The following RARB variants were observed in gnomAD, a reference collection of about 807,000 sequenced individuals.
RARB encodes retinoic acid receptor beta, also known as HBV-activated protein.
RARB carries 17 observed loss-of-function variants against 51.9 expected under a neutral mutation model. The observed-to-expected ratio is 0.33, with a 90% CI of 0.22 to 0.49. The LOEUF (loss-of-function observed/expected upper bound fraction) is 0.49. RARB is among the 20% of genes least tolerant of loss of function. RARB has a pLI of 0.99. For synonymous variants in RARB, 215 were observed against 195.4 expected (o/e 1.10, Z -0.84); for missense variants, 369 against 550.8 (o/e 0.67, Z 3.30).
At chr3:25,577,008 G>A (rs1700964377) in intron 4 of RARB, among the ~76,000 whole-genome samples, 1 of 152,200 alleles carries the variant, frequency 6.6e-6, no homozygotes, top group South Asian at 2.1e-4. Flanking sequence ...AGCTCTTGTA[G>A]CCACCTGATG....
intron 2 of RARB, among the ~76,000 whole-genome samples, chr3:24,907,223 G>A (rs1027153460): frequency 6.6e-6 from 1 of 152,150 alleles, no homozygotes; most frequent in African/African-American, 2.4e-5. Context: ...TCAAACTTTA[G>A]CATCAGAATC....
At chr3:25,167,474 G>A (rs1700578568) in intron 4 of RARB, among the ~76,000 whole-genome samples, 1 of 152,158 alleles carries the variant, frequency 6.6e-6, no homozygotes, top group Non-Finnish European at 1.5e-5. Context: ...GTCTAAAGAA[G>A]AAGATGAAAA....
intron 2 of RARB, among the ~76,000 whole-genome samples, chr3:25,465,671 A>G (rs1425600980): frequency 1.3e-5 from 2 of 152,200 alleles, no homozygotes; most frequent in Non-Finnish European, 1.5e-5. Flanking sequence ...CAGCATTACC[A>G]TGGCAGTATA....
chr3:25,223,389 G>A (rs1337493237), intron 5 of RARB, among the ~76,000 whole-genome samples: 1 of 152,192 alleles, frequency 6.6e-6, no homozygotes, highest in African/African-American at 2.4e-5. Context: ...ATTAAGTGTA[G>A]AGGCTAGAAG....
intron 3 of RARB, among the ~76,000 whole-genome samples, chr3:25,117,421 TA>T (rs1478956474): frequency 6.6e-6 from 1 of 152,064 alleles, no homozygotes; most frequent in East Asian, 1.9e-4. Flanking sequence ...AGGAAGAAAG[TA>T]AAGCAATGTT....
intron 4 of RARB, among the ~76,000 whole-genome samples, chr3:25,172,658 C>A (rs1700667490): frequency 1.3e-5 from 2 of 152,150 alleles, no homozygotes; most frequent in Non-Finnish European, 2.9e-5. Flanking sequence ...CCTGGGATTA[C>A]TATAATGTAG....
intron 2 of RARB, among the ~76,000 whole-genome samples, chr3:24,999,179 T>C (rs62228472): frequency 0.21 from 31,642 of 152,140 alleles, 3,653 homozygotes; most frequent in East Asian, 0.4. Context: ...GAAGTACTTA[T>C]GTACTTGCTG....
chr3:25,066,943 C>T (rs753000795), intron 3 of RARB, among the ~76,000 whole-genome samples: 6 of 152,090 alleles, frequency 3.9e-5, no homozygotes, highest in Non-Finnish European at 8.8e-5. Flanking sequence ...TGGAGTGGTA[C>T]TGGGCATTTC....
intron 2 of RARB, among the ~76,000 whole-genome samples, chr3:25,465,748 G>A (rs1376166343): frequency 6.6e-6 from 1 of 152,134 alleles, no homozygotes; most frequent in South Asian, 2.1e-4. Context: ...CAGTTTTTGT[G>A]TAGGGGACAA....
At position 25,030,754 on chromosome 3, in the gene RARB, G is replaced by A. The variant is rs141708136; in HGVS notation, c.-379-29371G>A. 2.6e-5 allele frequency among the ~76,000 whole-genome samples: 4 copies of A among 152,284 alleles called. No individual in the cohort carries two copies. In the East Asian group the frequency reaches 7.7e-4, roughly 29 times the overall value. On this transcript the variant is annotated intron_variant, in intron 2 of 11. Coordinates refer to the RARB transcript ENST00000383772. ...AAGATCTGGCTTTTACTTGTGTCAT[G>A]TTCGGGTGCTCTCTTGCATTTACCA...
intron 3 of RARB, among the ~76,000 whole-genome samples, chr3:25,086,810 G>T (rs1160204309): frequency 6.6e-6 from 1 of 150,516 alleles, no homozygotes; most frequent in African/African-American, 2.5e-5. Flanking sequence ...GGAGTATCTG[G>T]GTTAAGATAA....
chr3:24,963,489 C>T (rs1040002554), intron 2 of RARB, among the ~76,000 whole-genome samples: 6 of 148,942 alleles, frequency 4.0e-5, no homozygotes, highest in African/African-American at 1.5e-4. Flanking sequence ...TCTCGCCTCC[C>T]CTGAAAAAGA....
chr3:24,981,676 C>G (rs537446022), intron 2 of RARB, among the ~76,000 whole-genome samples: 20 of 152,228 alleles, frequency 1.3e-4, no homozygotes, highest in Non-Finnish European at 2.2e-4. Flanking sequence ...ATGGCTCTAC[C>G]AGGCACAGTC....
At chr3:25,317,480 T>G (rs1053359745) in intron 5 of RARB, among the ~76,000 whole-genome samples, 1 of 152,186 alleles carries the variant, frequency 6.6e-6, no homozygotes, top group African/African-American at 2.4e-5. Flanking sequence ...AGCATTATAA[T>G]AAAGCTAGTC....
At chr3:25,413,025 A>T (rs533856726) in intron 5 of RARB, among the ~76,000 whole-genome samples, 1 of 142,542 alleles carries the variant, frequency 7.0e-6, no homozygotes, top group Non-Finnish European at 1.5e-5. Flanking sequence ...ATCTTGGGGG[A>T]AAAAAAAAAA....
intron 2 of RARB, among the ~76,000 whole-genome samples, chr3:25,488,189 G>A (rs1054920987): frequency 2.6e-5 from 4 of 152,140 alleles, no homozygotes; most frequent in Non-Finnish European, 5.9e-5. Flanking sequence ...CATGATTTAC[G>A]GGGGCCCGGC....
intron 4 of RARB, among the ~76,000 whole-genome samples, chr3:25,575,398 C>T (rs146086059): frequency 6.6e-6 from 1 of 152,180 alleles, no homozygotes; most frequent in African/African-American, 2.4e-5. Context: ...GTGTTAGTTT[C>T]CTAGGGCTGC....
At chr3:25,574,445 GTC>G (rs1209240531) in intron 4 of RARB, among the ~76,000 whole-genome samples, 1 of 152,168 alleles carries the variant, frequency 6.6e-6, no homozygotes, top group African/African-American at 2.4e-5. Flanking sequence ...CATCATAAAT[GTC>G]TTGTCATTTT....
At chr3:25,204,754 G>A (rs919265344) in intron 5 of RARB, among the ~76,000 whole-genome samples, 1 of 152,188 alleles carries the variant, frequency 6.6e-6, no homozygotes, top group African/African-American at 2.4e-5. Flanking sequence ...CTGGCAAACA[G>A]CAAATGTTGC....
Sources: gnomAD v4.1 joint callset for allele counts (sites outside exome capture counted in the v4.1 genomes callset) on GRCh38, gnomAD v4.1.1 for gene constraint, MANE v1.5 for transcripts, NCBI Gene and HGNC (gene_info 2026-07-23, HGNC 2026-07-21) for gene names.